Variants in TOP1MT observed in about 807,000 individuals in gnomAD.
TOP1MT encodes DNA topoisomerase I, mitochondrial.
Under a neutral mutation model 73.9 loss-of-function variants are expected in TOP1MT, and 80 were observed. The ratio of observed to expected loss-of-function variants is 1.08; its 90% CI spans 0.90 to 1.30. The LOEUF (loss-of-function observed/expected upper bound fraction) is 1.30. Among genes scored for constraint, TOP1MT ranks in the 50% most tolerant of loss-of-function variants. TOP1MT has a pLI of 0.00. For synonymous variants in TOP1MT, 338 were observed against 326.4 expected (o/e 1.04, Z -0.38); for missense variants, 815 against 808.0 (o/e 1.01, Z -0.10).
intron 12 of TOP1MT, chr8:143,310,575 C>A (rs1032429792): frequency 4.9e-5 from 9 of 184,362 alleles, no homozygotes; most frequent in Non-Finnish European, 1.0e-4. Flanking sequence ...CTCCGGGAAG[C>A]CGCTAAGCCC....
rs1817075067 is a variant in TOP1MT at position 143,341,240 on chromosome 8, CCT to C, written c.29+1978_29+1979del. 6.6e-6 allele frequency among the ~76,000 whole-genome samples: 1 copy of C among 152,128 alleles called. No individual in the cohort carries two copies. The highest frequency in any genetic ancestry group is 1.5e-5 in the Non-Finnish European group (1 of 68,014). On this transcript the variant is annotated intron_variant, in intron 2 of 5. Transcript: ENST00000518007. The surrounding 1 kb of genome is among the most constrained non-coding windows in gnomAD (Gnocchi z 4.1). ...ATTCTTTTTTTTTTCTCAGTTTGTGCCTCTCTTCCACACAGCCCTTGCCCCGG... is the reference window on the plus strand; with the variant it reads ...ATTCTTTTTTTTTTCTCAGTTTGTGCCTCTTCCACACAGCCCTTGCCCCGG...
At chr8:143,359,896 A>C (rs1403902001), upstream of TOP1MT, 2 of 152,168 alleles carry the variant, frequency 1.3e-5, no homozygotes, top group Non-Finnish European at 2.9e-5. Flanking sequence ...CTCTTCCAGG[A>C]CCCACGCGGT....
chr8:143,325,883 C>T (rs1053669696), intron 4 of TOP1MT, among the ~76,000 whole-genome samples: 6 of 152,196 alleles, frequency 3.9e-5, no homozygotes, highest in Admixed American at 2.0e-4. Flanking sequence ...GATCACAGCA[C>T]GGCAGGTTCC....
In TOP1MT at chr8:143,324,023, C is replaced by G; in HGVS notation, c.936G>C (p.Ala312=). The G allele has an allele frequency of 6.8e-6, 11 of 1,613,800 alleles. No individual in the cohort carries two copies. The highest frequency in any genetic ancestry group is 9.3e-6 in the Non-Finnish European group (11 of 1,180,028). Residue 312 remains alanine, a synonymous_variant, in exon 7 of 14, where the codon GCG becomes GCC. Coordinates refer to ENST00000329245, the MANE Select transcript of TOP1MT (RefSeq NM_052963.3). ...CCTTATCGATGAAATACAGGGCCAC[C>G]GCCCGCTGTCTCGTCTTCATTTCCC... ...KSREMKTRQR[A]VALYFIDKLA...
chr8:143,356,785 CAAAA>C (rs1161995816), upstream of TOP1MT, among the ~76,000 whole-genome samples: 12 of 25,958 alleles, frequency 4.6e-4, no homozygotes, highest in East Asian at 0.01. Flanking sequence ...GACTCTGTCT[CAAAA>C]AAAAAAAAAA....
At chr8:143,342,505 A>G (rs1400553366) in intron 2 of TOP1MT, among the ~76,000 whole-genome samples, 1 of 93,278 alleles carries the variant, frequency 1.1e-5, no homozygotes, top group African/African-American at 1.3e-4. Flanking sequence ...TCTCGCTGTT[A>G]TTATTATTAT....
At chr8:143,322,222 G>A (rs1816447712) in intron 7 of TOP1MT, among the ~76,000 whole-genome samples, 1 of 33,568 alleles carries the variant, frequency 3.0e-5, no homozygotes, top group Non-Finnish European at 5.5e-5. Context: ...CCACACACAG[G>A]CACGCCACAC....
rs1563761630 is a variant in TOP1MT, at chr8:143,323,718, CACG to C, written c.960+278_960+280del. Reference sequence around the variant, plus strand: ...CACACACAGGCACACCACACACATGCACGCCACACACACATGCACGCCACACAC... The same window carrying C: ...CACACACAGGCACACCACACACATGCCCACACACACATGCACGCCACACAC... On this transcript the variant is annotated intron_variant, in intron 7 of 13. Coordinates refer to ENST00000329245, the MANE Select transcript of TOP1MT (RefSeq NM_052963.3). Among the ~76,000 whole-genome samples, 8 of 109,028 alleles carry C rather than the reference CACG, an allele frequency of 7.3e-5. 3 individuals are homozygous for C. The highest frequency in any genetic ancestry group is 2.4e-4 in the Admixed American group (2 of 8,276). 71.5% of individuals were successfully genotyped at this position (109,028 alleles called of 152,430 possible).
At chr8:143,347,215 C>T (rs769817662), upstream of TOP1MT, among the ~76,000 whole-genome samples, 14 of 151,994 alleles carry the variant, frequency 9.2e-5, no homozygotes, top group East Asian at 1.9e-4. Context: ...GGTGCAGTGG[C>T]GCGATCTCTG....
intron 1 of TOP1MT, among the ~76,000 whole-genome samples, chr8:143,355,057 G>A (rs543984631): frequency 1.3e-5 from 2 of 152,142 alleles, no homozygotes; most frequent in African/African-American, 4.8e-5. Flanking sequence ...GGTGTGGCCC[G>A]TGCACCGCCT....
intron 2 of TOP1MT, 126 bp from the exon 3 acceptor site, chr8:143,329,597 C>CTTCTGTCTTA (rs1001924379): frequency 9.6e-6 from 11 of 1,145,650 alleles, no homozygotes; most frequent in African/African-American, 3.2e-5. Flanking sequence ...GCTAGGCCTT[C>CTTCTGTCTTA]TTCTGTAAGT....
rs780227795 is a variant in TOP1MT at position 143,310,229 on chromosome 8, AGAG to A, written c.1554-15_1554-13del. ...TCTTCTCCAGGACACTGGCAAGAGAAGAGGAGGCCGCGAGGCCCCGCGCTGGAC... is the reference window on the plus strand; with the variant it reads ...TCTTCTCCAGGACACTGGCAAGAGAAGAGGCCGCGAGGCCCCGCGCTGGAC... On this transcript the variant is annotated splice_polypyrimidine_tract_variant and intron_variant, in intron 12 of 13. Coordinates refer to ENST00000329245, the MANE Select transcript of TOP1MT (RefSeq NM_052963.3). 185 of 1,521,974 alleles carry A rather than the reference AGAG, an allele frequency of 1.2e-4. No homozygotes were observed. The highest frequency in any genetic ancestry group is 1.5e-4 in the Non-Finnish European group (173 of 1,137,828). 94.3% of individuals were successfully genotyped at this position (1,521,974 alleles called of 1,614,324 possible). A position where few individuals can be genotyped will look rare whatever the true frequency, so the allele number is the denominator to read the frequency against.
chr8:143,311,160 G>C (rs1044809909), intron 12 of TOP1MT, among the ~76,000 whole-genome samples: 1 of 145,630 alleles, frequency 6.9e-6, no homozygotes, highest in Non-Finnish European at 1.5e-5. Context: ...GCAGAGACAG[G>C]GTTTCACCAT....
chr8:143,337,404 C>CA (rs141842455), upstream of TOP1MT, among the ~76,000 whole-genome samples: 6,242 of 150,576 alleles, frequency 0.041, 432 homozygotes, highest in African/African-American at 0.14. Context: ...GACTCCGTCT[C>CA]AAAAAAAAAG....
chr8:143,330,993 G>A (rs1021260441), intron 2 of TOP1MT, among the ~76,000 whole-genome samples: 1 of 152,318 alleles, frequency 6.6e-6, no homozygotes, highest in African/African-American at 2.4e-5. Context: ...AACAGGCACA[G>A]CCAGTGCAGG....
upstream of TOP1MT, among the ~76,000 whole-genome samples, chr8:143,335,364 G>T (rs924738950): frequency 6.6e-6 from 1 of 152,198 alleles, no homozygotes; most frequent in African/African-American, 2.4e-5. Flanking sequence ...ACCGGCAGAA[G>T]CACCTGCTGT....
intron 4 of TOP1MT, 126 bp downstream of exon 4, chr8:143,326,096 G>A (rs2956268): frequency 3.7e-5 from 42 of 1,135,346 alleles, no homozygotes; most frequent in African/African-American, 1.4e-4. Flanking sequence ...TAAGGCTGAC[G>A]AGAAAAGAGC....
At chr8:143,343,193 C>G (rs1189319438) in intron 2 of TOP1MT, 1 of 456,294 alleles carries the variant, frequency 2.2e-6, no homozygotes, top group Non-Finnish European at 4.4e-6. Flanking sequence ...CATGTTCACA[C>G]ATTCATTTCC....
At position 143,329,432 on chromosome 8, in the gene TOP1MT, G is replaced by A. The variant is rs1816792521; in HGVS notation, c.278C>T (p.Ala93Val). 2 of 1,611,110 alleles carry A rather than the reference G, an allele frequency of 1.2e-6. No homozygotes were observed. Among genetic ancestry groups the A allele is most frequent in the South Asian group, 1.1e-5 (1 of 90,680 alleles). ...ATCTAACATCCTCCCATAAAAAGTGGCGACCTCCTCCGCTGCCACGCTCAA... is the reference window on the plus strand; with the variant it reads ...ATCTAACATCCTCCCATAAAAAGTGACGACCTCCTCCGCTGCCACGCTCAA... ...VRLSVAAEEV[A>V]TFYGRMLDHE... Residue 93 changes from alanine (A) to valine (V), a missense_variant, in exon 3 of 14, where the codon GCC becomes GTC. Transcript: ENST00000329245.
Sources: allele counts gnomAD v4.1 joint callset (sites outside exome capture counted in the v4.1 genomes callset), GRCh38; gene constraint gnomAD v4.1.1; non-coding constraint Gnocchi (gnomAD v3.1); transcripts MANE v1.5; gene names NCBI Gene and HGNC (gene_info 2026-07-23, HGNC 2026-07-21).